The following PDE4B variants were observed in gnomAD, a reference collection of about 807,000 sequenced individuals.
The protein encoded by PDE4B is phosphodiesterase 4B.
In PDE4B, 20 loss-of-function variants were observed where a neutral mutation model predicts 82.2. The ratio of observed to expected loss-of-function variants is 0.24; its 90% CI spans 0.17 to 0.35. The LOEUF is 0.35. Ranked by LOEUF, PDE4B falls within the 10% of genes least tolerant of loss-of-function variation. PDE4B has a pLI of 1.00. For missense variants in PDE4B, 655 were observed against 907.2 expected, an observed-to-expected ratio of 0.72 and a Z score of 3.57; for synonymous variants, 320 against 318.9, an observed-to-expected ratio of 1.00 and a Z score of -0.04.
At chr1:66,079,562 C>G (rs1392814) in intron 3 of PDE4B, among the ~76,000 whole-genome samples, 35,059 of 151,988 alleles carry the variant, frequency 0.23, 4,719 homozygotes, top group Middle Eastern at 0.37. Flanking sequence ...ATTAAAGAAA[C>G]TTCAGAGAAT....
intron 6 of PDE4B, among the ~76,000 whole-genome samples, chr1:66,263,871 G>A (rs550028647): frequency 2.0e-5 from 3 of 152,220 alleles, no homozygotes; most frequent in East Asian, 1.9e-4. Flanking sequence ...GCAGGAAAGG[G>A]GCAGCACATA....
intron 3 of PDE4B, among the ~76,000 whole-genome samples, chr1:66,059,795 A>T (rs1655489175): frequency 2.0e-5 from 3 of 152,232 alleles, no homozygotes; most frequent in Admixed American, 6.5e-5. Flanking sequence ...TCACATATAT[A>T]TTCAGGTATC....
intron 7 of PDE4B, among the ~76,000 whole-genome samples, chr1:66,325,243 G>A (rs1488901481): frequency 6.6e-6 from 1 of 152,218 alleles, no homozygotes; most frequent in Admixed American, 6.5e-5. Context: ...AAAGCTGAAT[G>A]TAAATAATCC....
chr1:65,799,622 G>T (rs1413174061), intron 1 of PDE4B, among the ~76,000 whole-genome samples: 3 of 152,180 alleles, frequency 2.0e-5, no homozygotes, highest in Non-Finnish European at 2.9e-5. Context: ...TGGGGAAAGT[G>T]ATAGGGATAA....
intron 3 of PDE4B, among the ~76,000 whole-genome samples, chr1:65,920,974 T>C (rs1647228949): frequency 7.3e-6 from 1 of 136,388 alleles, no homozygotes; most frequent in Non-Finnish European, 1.6e-5. Context: ...TTTTTTTTTT[T>C]TTTTTTTTTT....
At chr1:66,052,995 T>C (rs997461994) in intron 3 of PDE4B, among the ~76,000 whole-genome samples, 1 of 152,206 alleles carries the variant, frequency 6.6e-6, no homozygotes, top group African/African-American at 2.4e-5. Flanking sequence ...TTTTATAGTG[T>C]AGAAAAATGT....
Position 66,154,451 on chromosome 1 carries a change from A to G in PDE4B, c.282-93009A>G, listed in dbSNP as rs114771176. On this transcript the variant is annotated intron_variant, in intron 3 of 16. Coordinates refer to ENST00000341517, the MANE Select transcript of PDE4B (RefSeq NM_002600.4). ...AGAATTGAAGGGCAAAGAGAAGAGA[A>G]GAGAGATAGGAAAAAAGGGACTCTC... Among the ~76,000 whole-genome samples, 1,291 of 152,330 alleles carry G rather than the reference A, an allele frequency of 8.5e-3. 30 individuals carry two copies. Among genetic ancestry groups the G allele is most frequent in the African/African-American group, 0.029 (1,205 of 41,570 alleles).
chr1:66,041,854 C>G (rs184503294), intron 3 of PDE4B, among the ~76,000 whole-genome samples: 264 of 126,132 alleles, frequency 2.1e-3, no homozygotes, highest in Middle Eastern at 8.1e-3. Flanking sequence ...ACACAGAATA[C>G]CTAATGTATG....
intron 3 of PDE4B, among the ~76,000 whole-genome samples, chr1:65,948,201 G>A (rs1319267613): frequency 2.6e-5 from 4 of 151,514 alleles, no homozygotes; most frequent in African/African-American, 9.7e-5. Flanking sequence ...AGGCCCACCC[G>A]TACCCATTGT....
chr1:66,168,269 C>T (rs1646773851), intron 3 of PDE4B, among the ~76,000 whole-genome samples: 1 of 152,078 alleles, frequency 6.6e-6, no homozygotes, highest in South Asian at 2.1e-4. Flanking sequence ...TCCTCTTTCT[C>T]CTGGAGTCAC....
At chr1:65,894,441 A>G (rs2100397388) in intron 1 of PDE4B, among the ~76,000 whole-genome samples, 1 of 152,300 alleles carries the variant, frequency 6.6e-6, no homozygotes, top group Middle Eastern at 3.4e-3. Context: ...AAGGAAATAT[A>G]GGAACATAAT....
Position 66,125,947 on chromosome 1 carries a change from C to A in PDE4B, c.282-121513C>A, listed in dbSNP as rs1041456591. On this transcript the variant is annotated intron_variant, in intron 3 of 16. Transcript: ENST00000341517. The stretch of plus-strand genomic sequence containing the variant: ...TCAGCCTCCTGAGTAGCTGAAATTA[C>A]AGGCATGCACCACCACACTAGGTTA... Among the ~76,000 whole-genome samples, 11 of 152,312 alleles carry A rather than the reference C, an allele frequency of 7.2e-5. No homozygotes were observed. The East Asian group carries it at 1.5e-3, about 21-fold the overall frequency.
chr1:66,130,056 A>G (rs958183893), intron 3 of PDE4B, among the ~76,000 whole-genome samples: 1 of 152,212 alleles, frequency 6.6e-6, no homozygotes, highest in African/African-American at 2.4e-5. Flanking sequence ...CCAAAATTCC[A>G]ACTGCAGAGA....
At chr1:65,967,429 C>T (rs1649893783) in intron 3 of PDE4B, among the ~76,000 whole-genome samples, 1 of 152,228 alleles carries the variant, frequency 6.6e-6, no homozygotes, top group Admixed American at 6.5e-5. Context: ...TGCTTTTACA[C>T]TGTTGGTGAG....
chr1:66,231,202 C>G (rs1651924016), intron 3 of PDE4B, among the ~76,000 whole-genome samples: 3 of 152,030 alleles, frequency 2.0e-5, no homozygotes, highest in African/African-American at 7.2e-5. Flanking sequence ...CATTGAGAAG[C>G]TACATGCAAT....
chr1:65,918,856 A>G, intron 3 of PDE4B, 21 bp downstream of exon 3: 1 of 1,370,336 alleles, frequency 7.3e-7, no homozygotes, highest in Non-Finnish European at 1.0e-6. Flanking sequence ...TCAAAATCAA[A>G]TGTCAATTCT....
intron 3 of PDE4B, among the ~76,000 whole-genome samples, chr1:66,110,917 TG>T (rs201422633): frequency 0.062 from 9,468 of 152,104 alleles, 424 homozygotes; most frequent in South Asian, 0.17. Flanking sequence ...AGAAAAGCTT[TG>T]GAAAAGCAGA....
chr1:66,210,558 T>A (rs1299219416), intron 3 of PDE4B, among the ~76,000 whole-genome samples: 1 of 122,708 alleles, frequency 8.1e-6, no homozygotes, highest in Admixed American at 1.1e-4. Flanking sequence ...ATCGCACCAC[T>A]GCACTCCAGC....
intron 3 of PDE4B, among the ~76,000 whole-genome samples, chr1:66,006,835 C>T (rs2100726147): frequency 6.6e-6 from 1 of 152,198 alleles, no homozygotes; most frequent in South Asian, 2.1e-4. Flanking sequence ...TGTAAGTTTC[C>T]CGAGGCCTCC....
Sources: allele counts gnomAD v4.1 joint callset (sites outside exome capture counted in the v4.1 genomes callset), GRCh38; gene constraint gnomAD v4.1.1; transcripts MANE v1.5; gene names NCBI Gene and HGNC (gene_info 2026-07-23, HGNC 2026-07-21).